The following MAML3 variants were observed in gnomAD, a reference collection of about 807,000 sequenced individuals.
MAML3 encodes the protein mastermind-like protein 3.
MAML3 carries 27 observed loss-of-function variants against 101.9 expected under a neutral mutation model. The observed-to-expected ratio is 0.27, with a 90% confidence interval of 0.20 to 0.37. The LOEUF (loss-of-function observed/expected upper bound fraction) is 0.37. MAML3 is among the 10% of genes least tolerant of loss of function. The probability of loss-of-function intolerance (pLI) is 1.00; values close to 1 mark genes in which losing one functional copy is unlikely to be tolerated. For synonymous variants in MAML3, 501 were observed against 555.9 expected, an observed-to-expected ratio of 0.90 and a Z score of 1.39; for missense variants, 1,316 against 1,444.9, an observed-to-expected ratio of 0.91 and a Z score of 1.45.
chr4:140,075,235 G>A (rs1727746621), intron 1 of MAML3, among the ~76,000 whole-genome samples: 1 of 152,172 alleles, frequency 6.6e-6, no homozygotes, highest in South Asian at 2.1e-4. Context: ...GCTAGCAAGT[G>A]GCAGAGACAG....
At chr4:140,084,866 G>GT (rs1308329854) in intron 1 of MAML3, among the ~76,000 whole-genome samples, 1 of 152,134 alleles carries the variant, frequency 6.6e-6, no homozygotes, top group East Asian at 1.9e-4. Flanking sequence ...CAAAGGTCTA[G>GT]TATTTAAAAT....
chr4:140,054,212 A>C (rs973809948), intron 1 of MAML3, among the ~76,000 whole-genome samples: 8 of 151,996 alleles, frequency 5.3e-5, no homozygotes, highest in African/African-American at 1.7e-4. Flanking sequence ...TCTACTAAAA[A>C]TACAAAAACT....
At chr4:139,897,687 G>A (rs184449220) in intron 1 of MAML3, among the ~76,000 whole-genome samples, 1 of 152,090 alleles carries the variant, frequency 6.6e-6, no homozygotes, top group East Asian at 1.9e-4. Flanking sequence ...TCTCTGCATC[G>A]TGGCTGTGGT....
rs1728049769 is a variant in MAML3 at position 139,717,830 on chromosome 4, AG to A, written c.*1492del. 6.6e-6 allele frequency: 1 copy of A among 152,406 alleles called. No homozygotes were observed. Among genetic ancestry groups the A allele is most frequent in the East Asian group, 1.9e-4 (1 of 5,180 alleles). The allele number at this position is 152,406 out of a possible 1,614,324, so 9.4% of individuals were successfully genotyped here. A position where few individuals can be genotyped will look rare whatever the true frequency, so the allele number is the denominator to read the frequency against. On this transcript the variant is annotated 3_prime_UTR_variant, in exon 5 of 5. Transcript: ENST00000509479. ...ACACCGAAGCCACAAGTCCTCCAAA[AG>A]GGGGATTGGGAGGGGAGGCAAGGAG...
intron 2 of MAML3, among the ~76,000 whole-genome samples, chr4:139,780,079 G>A (rs756597601): frequency 1.5e-4 from 23 of 152,092 alleles, no homozygotes; most frequent in Non-Finnish European, 1.9e-4. Flanking sequence ...TGTCCGAGGC[G>A]GTACCCACTA....
intron 2 of MAML3, among the ~76,000 whole-genome samples, chr4:139,772,654 A>C (rs1730019445): frequency 6.6e-6 from 1 of 151,960 alleles, no homozygotes; most frequent in African/African-American, 2.4e-5. Flanking sequence ...AAGTTATCTT[A>C]ACATTATTGG....
intron 1 of MAML3, among the ~76,000 whole-genome samples, chr4:140,020,696 A>C (rs749711104): frequency 3.9e-5 from 6 of 152,184 alleles, no homozygotes; most frequent in African/African-American, 1.4e-4. Flanking sequence ...TTTCTTGAGC[A>C]CAAAGAAGGG....
At chr4:140,036,776 A>G (rs532250670) in intron 1 of MAML3, among the ~76,000 whole-genome samples, 3 of 152,334 alleles carry the variant, frequency 2.0e-5, no homozygotes, top group Non-Finnish European at 4.4e-5. Flanking sequence ...TAAGTTATAA[A>G]AATAACCATG....
At chr4:139,908,686 A>C (rs536446317) in intron 1 of MAML3, among the ~76,000 whole-genome samples, 5 of 152,354 alleles carry the variant, frequency 3.3e-5, no homozygotes, top group Admixed American at 3.3e-4. Flanking sequence ...ACTTCAATTC[A>C]CATTCTTCTC....
At chr4:140,029,142 C>T (rs1193886690) in intron 1 of MAML3, among the ~76,000 whole-genome samples, 1 of 152,196 alleles carries the variant, frequency 6.6e-6, no homozygotes, top group Non-Finnish European at 1.5e-5. Context: ...GGACAGGTAC[C>T]ATCTTCTCAG....
At chr4:139,726,963 C>T (rs1335426985) in intron 3 of MAML3, among the ~76,000 whole-genome samples, 2 of 152,136 alleles carry the variant, frequency 1.3e-5, no homozygotes, top group African/African-American at 4.8e-5. Context: ...TTAACCTGCT[C>T]CCTGCAGCTG....
At chr4:139,868,086 CTG>C (rs1731934939) in intron 2 of MAML3, among the ~76,000 whole-genome samples, 1 of 152,210 alleles carries the variant, frequency 6.6e-6, no homozygotes, top group Non-Finnish European at 1.5e-5. Flanking sequence ...GGAAACACAT[CTG>C]TGGGTGTGAG....
At chr4:139,912,804 T>C (rs1732956924) in intron 1 of MAML3, among the ~76,000 whole-genome samples, 1 of 152,142 alleles carries the variant, frequency 6.6e-6, no homozygotes, top group Non-Finnish European at 1.5e-5. Flanking sequence ...CTCTGCAGAG[T>C]CTCAGAGGAA....
At chr4:140,127,256 C>T (rs772788484) in intron 1 of MAML3, among the ~76,000 whole-genome samples, 2 of 152,206 alleles carry the variant, frequency 1.3e-5, no homozygotes, top group Non-Finnish European at 2.9e-5. Flanking sequence ...GTGTTTTGTA[C>T]CTTCATCCTC....
intron 1 of MAML3, among the ~76,000 whole-genome samples, chr4:140,067,533 G>T (rs1358783443): frequency 6.6e-6 from 1 of 152,102 alleles, no homozygotes; most frequent in Non-Finnish European, 1.5e-5. Flanking sequence ...ATGGTTGATA[G>T]AATTAAGTTC....
chr4:140,087,921 A>G (rs1200621775), intron 1 of MAML3, among the ~76,000 whole-genome samples: 1 of 152,222 alleles, frequency 6.6e-6, no homozygotes, highest in Non-Finnish European at 1.5e-5. Flanking sequence ...CCTTCTGAAA[A>G]TGAGTAACAA....
intron 1 of MAML3, among the ~76,000 whole-genome samples, chr4:140,078,715 G>C (rs1727815393): frequency 6.6e-6 from 1 of 152,198 alleles, no homozygotes. Context: ...GAAAGCTAGA[G>C]AGTCAAAGAA....
chr4:139,847,395 G>T (rs1053103604), intron 2 of MAML3, among the ~76,000 whole-genome samples: 4 of 152,112 alleles, frequency 2.6e-5, no homozygotes, highest in African/African-American at 9.7e-5. Context: ...AGAGTCACAC[G>T]GAATCCCGCA....
chr4:140,112,499 A>G (rs1463349602), intron 1 of MAML3, among the ~76,000 whole-genome samples: 1 of 152,262 alleles, frequency 6.6e-6, no homozygotes, highest in East Asian at 1.9e-4. Flanking sequence ...AGCTTTTTCC[A>G]TGTGCTCACT....
Sources: allele counts gnomAD v4.1 joint callset (sites outside exome capture counted in the v4.1 genomes callset), GRCh38; gene constraint gnomAD v4.1.1; transcripts MANE v1.5; gene names NCBI Gene and HGNC (gene_info 2026-07-23, HGNC 2026-07-21).